Variants in BICDL1 observed in about 807,000 individuals in gnomAD.
BICDL1 encodes the protein BICD family-like cargo adapter 1.
Under a neutral mutation model 76.8 loss-of-function variants are expected in BICDL1, and 20 were observed. The ratio of observed to expected loss-of-function variants is 0.26; its 90% confidence interval spans 0.18 to 0.38. The LOEUF (loss-of-function observed/expected upper bound fraction) is 0.38, where lower values mean the gene tolerates loss of function less well. BICDL1 is among the 10% of genes least tolerant of loss of function. The pLI, the probability that BICDL1 is intolerant of heterozygous loss-of-function variation, is 1.00. For missense variants in BICDL1, 700 were observed against 798.6 expected (o/e 0.88, Z 1.49); for synonymous variants, 383 against 337.1 (o/e 1.14, Z -1.49).
At chr12:120,090,952 T>A in intron 9 of BICDL1, 1 of 1,288,876 alleles carries the variant, frequency 7.8e-7, no homozygotes, top group Non-Finnish European at 1.0e-6. Flanking sequence ...TCCTTTGGTT[T>A]CTGATCTAGT....
rs528255290 is a variant in BICDL1 at position 120,092,159 on chromosome 12, A to G, written c.1705-841A>G. On this transcript the variant is annotated intron_variant, in intron 9 of 9. Transcript: ENST00000548673. ...CAGAACTTTTGTCAAATGGAGTCTT[A>G]CCCAGAGTCAGAATCTAGCCACCAA... The G allele has an allele frequency of 4.1e-6, 4 of 985,398 alleles. No homozygotes were observed. The South Asian group carries it at 1.9e-4, about 46-fold the overall frequency. The allele number at this position is 985,398 out of a possible 1,614,324, so 61.0% of individuals were successfully genotyped here.
chr12:120,015,044 A>C (rs142648495), intron 2 of BICDL1, among the ~76,000 whole-genome samples: 1 of 152,270 alleles, frequency 6.6e-6, no homozygotes, highest in African/African-American at 2.4e-5. Flanking sequence ...GAAAGTGACA[A>C]AGCTGAAACC....
intron 2 of BICDL1, among the ~76,000 whole-genome samples, chr12:120,012,928 A>G (rs537573674): frequency 3.9e-5 from 6 of 152,332 alleles, no homozygotes; most frequent in South Asian, 4.1e-4. Flanking sequence ...AGGGTGGGCT[A>G]TACATGGAAT....
chr12:120,044,458 C>A (rs1188838995), intron 2 of BICDL1, among the ~76,000 whole-genome samples: 1 of 152,178 alleles, frequency 6.6e-6, no homozygotes, highest in African/African-American at 2.4e-5. Context: ...ACACCCCAGC[C>A]CATTTCCATC....
chr12:120,069,123 T>A lies in BICDL1; in HGVS notation c.910-2499T>A, dbSNP rs538451594. Among the ~76,000 whole-genome samples the A allele has an allele frequency of 1.5e-4, 23 of 152,198 alleles. No homozygotes were observed. The South Asian group carries it at 3.3e-3, about 22-fold the overall frequency. ...CTAAAAATGTAGGCTTATGTGAAAATCTCTGAGATCATTTAAAAATCAAGA... is the reference window on the plus strand; with the variant it reads ...CTAAAAATGTAGGCTTATGTGAAAAACTCTGAGATCATTTAAAAATCAAGA... On this transcript the variant is annotated intron_variant, in intron 4 of 9. Transcript: ENST00000548673.
Position 120,079,039 on chromosome 12 carries a change from G to T in BICDL1, c.1453-1848G>T, listed in dbSNP as rs1873775986. Among the ~76,000 whole-genome samples, 1 of 152,252 alleles carries T rather than the reference G, an allele frequency of 6.6e-6. No homozygotes were observed. The highest frequency in any genetic ancestry group is 2.4e-5 in the African/African-American group (1 of 41,460). Reference sequence around the variant, plus strand: ...GGGGCTAGATGCATGTGTGTGCTGGGTAGCTGCAGGTGCTCCAGCCTGTTC... The same window carrying T: ...GGGGCTAGATGCATGTGTGTGCTGGTTAGCTGCAGGTGCTCCAGCCTGTTC... On this transcript the variant is annotated intron_variant, in intron 7 of 9. Transcript: ENST00000548673. This position sits in a 1 kb window ranked among gnomAD's most constrained non-coding sequence, Gnocchi z 4.3.
chr12:120,002,067 G>T lies in BICDL1; in HGVS notation c.645+3331G>T, dbSNP rs1237315837. 6.6e-5 allele frequency among the ~76,000 whole-genome samples: 10 copies of T among 152,196 alleles called. No homozygotes were observed. In the East Asian group the frequency reaches 1.9e-3, roughly 29 times the overall value. On this transcript the variant is annotated intron_variant, in intron 2 of 9. Coordinates refer to ENST00000548673, the MANE Select transcript of BICDL1 (RefSeq NM_001367886.1). ...ATTTTTTTAAGTGTATAATTGGGTA[G>T]TTTTTAGTTATTTACAGAGGTGTGC...
At chr12:120,038,597 AT>A (rs75435529) in intron 2 of BICDL1, among the ~76,000 whole-genome samples, 266 of 152,016 alleles carry the variant, frequency 1.7e-3, no homozygotes, top group Non-Finnish European at 2.6e-3. Context: ...CATTATGTTG[AT>A]TTTTTTCTTT....
chr12:119,991,143 CA>C (rs918055094), intron 1 of BICDL1, among the ~76,000 whole-genome samples: 10 of 150,374 alleles, frequency 6.7e-5, no homozygotes, highest in Admixed American at 1.3e-4. Flanking sequence ...AATTAGATTG[CA>C]AAAAAAAGGG....
intron 2 of BICDL1, among the ~76,000 whole-genome samples, chr12:120,020,361 T>TAA (rs1952153906): frequency 6.6e-6 from 1 of 152,226 alleles, no homozygotes; most frequent in South Asian, 2.1e-4. Context: ...GCAATTGATT[T>TAA]AAACACATGA....
At chr12:120,010,225 G>A (rs555579539) in intron 2 of BICDL1, among the ~76,000 whole-genome samples, 13 of 152,272 alleles carry the variant, frequency 8.5e-5, no homozygotes, top group Admixed American at 6.5e-4. Flanking sequence ...AACTGGTTGC[G>A]CTTGTAACTG....
intron 2 of BICDL1, among the ~76,000 whole-genome samples, chr12:120,014,658 C>CTA (rs909606799): frequency 6.6e-6 from 1 of 151,238 alleles, no homozygotes; most frequent in Non-Finnish European, 1.5e-5. Context: ...CGGCACTGCA[C>CTA]TACAGCCTGT....
At chr12:120,024,652 A>C (rs1952251192) in intron 2 of BICDL1, among the ~76,000 whole-genome samples, 1 of 151,912 alleles carries the variant, frequency 6.6e-6, no homozygotes, top group South Asian at 2.1e-4. Flanking sequence ...TTCAGTATGT[A>C]CTCTCAAATA....
In BICDL1 at chr12:120,074,562, A is replaced by C. The variant is rs1392212087; in HGVS notation, c.1428A>C (p.Glu476Asp). 1.6e-6 allele frequency: 2 copies of C among 1,252,754 alleles called. No homozygotes were observed. Among genetic ancestry groups the C allele is most frequent in the Admixed American group, 2.6e-5 (1 of 38,694 alleles). The allele number at this position is 1,252,754 out of a possible 1,614,324, so 77.6% of individuals were successfully genotyped here. A position where few individuals can be genotyped will look rare whatever the true frequency, so the allele number is the denominator to read the frequency against. ...GGGGTAAACTGAGGCAAAGCCTAGA[A>C]GAGCTGCAGCGACTCCACAGTCAGG... ...GERGKLRQSL[E>D]ELQRLHSQVT... The change falls in exon 7 of 10, where the codon GAA becomes GAC. Residue 476 changes from glutamate (E) to aspartate (D), a missense_variant. Around this residue, in one of 3 missense-constraint regions of BICDL1, gnomAD observed 455 missense variants for 548.7 expected, o/e 0.83. Coordinates refer to ENST00000548673, the MANE Select transcript of BICDL1 (RefSeq NM_001367886.1).
chr12:120,064,571 C>T, intron 3 of BICDL1, 162 bp from the exon 4 acceptor site: 1 of 576,514 alleles, frequency 1.7e-6, no homozygotes, highest in South Asian at 3.0e-5. Flanking sequence ...GTTTTCTCTT[C>T]AGCTTAGGGT....
In BICDL1 at chr12:120,079,941, C is replaced by T. The variant is rs1873840164; in HGVS notation, c.1453-946C>T. Among the ~76,000 whole-genome samples, 1 of 152,214 alleles carries T rather than the reference C, an allele frequency of 6.6e-6. No homozygotes were observed. The highest frequency in any genetic ancestry group is 1.5e-5 in the Non-Finnish European group (1 of 68,044). ...TGCCTGGGAAAGGAAATGTCTATTC[C>T]CTGTTGGCTTCTTTAGTTGGAGGTC... On this transcript the variant is annotated intron_variant, in intron 7 of 9. Transcript: ENST00000548673. The surrounding 1 kb of genome is among the most constrained non-coding windows in gnomAD (Gnocchi z 4.3).
intron 2 of BICDL1, chr12:119,999,994 A>T (rs1179845188): frequency 2.2e-5 from 5 of 231,280 alleles, no homozygotes; most frequent in African/African-American, 1.2e-4. Context: ...CACTAATTTG[A>T]TGGGTGATGC....
chr12:120,001,000 G>T (rs764755044), intron 2 of BICDL1, among the ~76,000 whole-genome samples: 1 of 151,938 alleles, frequency 6.6e-6, no homozygotes, highest in Non-Finnish European at 1.5e-5. Flanking sequence ...CTAAAAGAAC[G>T]TAGGAAGATA....
intron 2 of BICDL1, among the ~76,000 whole-genome samples, chr12:120,013,439 AGTGTGTGTGTGTGTGTGTGTGTGTGT>A (rs35499277): frequency 7.4e-6 from 1 of 134,802 alleles, no homozygotes; most frequent in Non-Finnish European, 1.6e-5. Context: ...CTTTAACCAG[AGTGTGTGTGTGTGTGTGTGTGTGTGT>A]GTGTGTGTGT....
Sources: allele counts gnomAD v4.1 joint callset (sites outside exome capture counted in the v4.1 genomes callset), GRCh38; gene constraint gnomAD v4.1.1; regional missense constraint gnomAD v4.1.1; non-coding constraint Gnocchi (gnomAD v3.1); transcripts MANE v1.5; gene names NCBI Gene and HGNC (gene_info 2026-07-23, HGNC 2026-07-21).